SULT2B1: variants seen among roughly 807,000 people sequenced by gnomAD.
SULT2B1 encodes the protein sulfotransferase family 2B member 1.
SULT2B1 carries 16 observed loss-of-function variants against 33.2 expected under a neutral mutation model. The observed-to-expected ratio is 0.48, with a 90% CI of 0.33 to 0.73. The LOEUF is 0.73. SULT2B1 is among the 30% of genes least tolerant of loss of function. SULT2B1 has a pLI of 0.02. For synonymous variants in SULT2B1, 186 were observed against 200.5 expected, an observed-to-expected ratio of 0.93 and a Z score of 0.61; for missense variants, 500 against 506.0, an observed-to-expected ratio of 0.99 and a Z score of 0.11.
chr19:48,599,030 A>G lies in SULT2B1; in HGVS notation c.827-105A>G. ...GGACGGTGTTTCTGGCAAAGGGAAC[A>G]CCTCGCCAAAGGCCGGGAAGGGGAA... is the stretch of plus-strand genomic sequence containing the variant. On this transcript the variant is annotated intron_variant, in intron 6 of 6. Coordinates refer to ENST00000201586, the MANE Select transcript of SULT2B1 (RefSeq NM_177973.2). The surrounding 1 kb of genome is among the most constrained non-coding windows in gnomAD (Gnocchi z 4.1). The G allele has an allele frequency of 6.7e-7, 1 of 1,483,584 alleles. No homozygotes were observed. Among genetic ancestry groups the G allele is most frequent in the African/African-American group, 1.4e-5 (1 of 71,350 alleles). The allele number at this position is 1,483,584 out of a possible 1,614,324, so 91.9% of individuals were successfully genotyped here. A position where few individuals can be genotyped will look rare whatever the true frequency, so the allele number is the denominator to read the frequency against.
At chr19:48,564,926 G>A (rs1973226220) in intron 1 of SULT2B1, among the ~76,000 whole-genome samples, 1 of 151,916 alleles carries the variant, frequency 6.6e-6, no homozygotes, top group Admixed American at 6.6e-5. Context: ...GAGTAGCTGG[G>A]ACTACAGGTG....
intron 1 of SULT2B1, among the ~76,000 whole-genome samples, chr19:48,566,515 T>C (rs985947509): frequency 4.6e-5 from 7 of 152,122 alleles, no homozygotes; most frequent in Non-Finnish European, 1.0e-4. Flanking sequence ...CTGGCCAAAA[T>C]GGCAAAACCC....
At chr19:48,571,248 G>A (rs1973323621) in intron 1 of SULT2B1, among the ~76,000 whole-genome samples, 1 of 151,044 alleles carries the variant, frequency 6.6e-6, no homozygotes, top group Admixed American at 6.6e-5. Flanking sequence ...CCAGGCTGGA[G>A]TGCAGTGATG....
chr19:48,578,705 C>T (rs183076456), intron 2 of SULT2B1, among the ~76,000 whole-genome samples: 261 of 151,786 alleles, frequency 1.7e-3, no homozygotes, highest in Admixed American at 4.2e-3. Context: ...GGTGAAACCC[C>T]GTGTCTACTA....
chr19:48,552,238 C>T lies in SULT2B1; in HGVS notation c.-15C>T. On this transcript the variant is annotated 5_prime_UTR_variant, in exon 1 of 7. Transcript: ENST00000201586. This position sits in a 1 kb window ranked among gnomAD's most constrained non-coding sequence, Gnocchi z 4.8. The stretch of plus-strand genomic sequence containing the variant: ...TCCCTGCTCGTCCTCCCCTCCCCAC[C>T]CTCACCCACCTGCCATGGACGGGCC... The T allele has an allele frequency of 2.5e-6, 4 of 1,613,100 alleles. No homozygotes were observed. The South Asian group carries it at 3.3e-5, about 13-fold the overall frequency.
intron 1 of SULT2B1, among the ~76,000 whole-genome samples, chr19:48,571,186 A>T (rs924846514): frequency 1.4e-5 from 2 of 144,586 alleles, no homozygotes; most frequent in African/African-American, 5.2e-5. Context: ...ATGCCTGGCT[A>T]ATTTATTTAT....
chr19:48,569,572 C>T (rs1973293958), intron 1 of SULT2B1, among the ~76,000 whole-genome samples: 2 of 151,612 alleles, frequency 1.3e-5, no homozygotes, highest in East Asian at 2.0e-4. Flanking sequence ...CTGTGTAGCC[C>T]AGGCTGGTCT....
At chr19:48,553,455 C>T (rs901988015) in intron 1 of SULT2B1, among the ~76,000 whole-genome samples, 3 of 152,104 alleles carry the variant, frequency 2.0e-5, no homozygotes, top group Non-Finnish European at 4.4e-5. Context: ...TTACAGGAGC[C>T]CGCCACCATG....
intron 4 of SULT2B1, 54 bp downstream of exon 4, chr19:48,591,789 CTGA>C: frequency 6.6e-7 from 1 of 1,509,768 alleles, no homozygotes; most frequent in Admixed American, 2.2e-5. Context: ...CCAGAGGACC[CTGA>C]TGGGCAGAGG....
At chr19:48,575,223 C>T (rs1360394389) in intron 1 of SULT2B1, among the ~76,000 whole-genome samples, 4 of 148,940 alleles carry the variant, frequency 2.7e-5, no homozygotes, top group African/African-American at 9.9e-5. Flanking sequence ...ATTATCCTGC[C>T]TCAGCCTCCC....
chr19:48,563,102 A>T (rs1973201573), intron 1 of SULT2B1, among the ~76,000 whole-genome samples: 1 of 151,918 alleles, frequency 6.6e-6, no homozygotes, highest in Admixed American at 6.6e-5. Flanking sequence ...TTTTGTGGAG[A>T]CAGGGTCTTG....
rs773144498 is a variant in SULT2B1, at chr19:48,591,671, C to T, written c.486C>T (p.Ile162=). 57 of 1,613,444 alleles carry T rather than the reference C, an allele frequency of 3.5e-5. No individual in the cohort carries two copies. The highest frequency in any genetic ancestry group is 2.5e-4 in the East Asian group (11 of 44,874). The change falls in exon 4 of 7, where the codon ATC becomes ATT. Residue 162 remains isoleucine (I), a synonymous_variant. Transcript: ENST00000201586. ...TCTCCCTCTATCATTACTCCAAGAT[C>T]GCCGGGCAGTTAAAGGACCCGGGCA... ...VVVSLYHYSK[I]AGQLKDPGTP...
At chr19:48,565,787 G>T (rs958983244) in intron 1 of SULT2B1, among the ~76,000 whole-genome samples, 1 of 151,976 alleles carries the variant, frequency 6.6e-6, no homozygotes, top group African/African-American at 2.4e-5. Flanking sequence ...TTTTGAGACA[G>T]GATCTTGCCC....
At chr19:48,593,077 G>A (rs1973665586) in intron 5 of SULT2B1, among the ~76,000 whole-genome samples, 1 of 152,178 alleles carries the variant, frequency 6.6e-6, no homozygotes, top group Admixed American at 6.5e-5. Context: ...GAATGGTCAG[G>A]GGCGAGATTT....
Position 48,576,354 on chromosome 19 carries a change from C to CTTTT in SULT2B1, c.214+273_214+274insTTTT, listed in dbSNP as rs879507532. On this transcript the variant is annotated intron_variant, in intron 2 of 6. Coordinates refer to ENST00000201586, the MANE Select transcript of SULT2B1 (RefSeq NM_177973.2). ...TCCTCCCTTTCCCCTTTACCCTCTACTTCTCTTTTTTTTTTTTTTTTTTGT... is the reference window on the plus strand; with the variant it reads ...TCCTCCCTTTCCCCTTTACCCTCTACTTTTTTCTCTTTTTTTTTTTTTTTTTTGT... Among the ~76,000 whole-genome samples the CTTTT allele has an allele frequency of 8.5e-3, 681 of 79,758 alleles. 80 individuals carry two copies. Among genetic ancestry groups the CTTTT allele is most frequent in the African/African-American group, 0.029 (526 of 18,152 alleles). 52.3% of individuals were successfully genotyped at this position (79,758 alleles called of 152,430 possible). A position where few individuals can be genotyped will look rare whatever the true frequency, so the allele number is the denominator to read the frequency against.
At chr19:48,553,247 G>A (rs970159926) in intron 1 of SULT2B1, among the ~76,000 whole-genome samples, 20 of 152,214 alleles carry the variant, frequency 1.3e-4, no homozygotes, top group African/African-American at 4.1e-4. Flanking sequence ...AGCCACCGTG[G>A]GCTGTGAGGA....
intron 1 of SULT2B1, among the ~76,000 whole-genome samples, chr19:48,570,886 C>G (rs1323554482): frequency 6.6e-6 from 1 of 151,596 alleles, no homozygotes; most frequent in African/African-American, 2.4e-5. Context: ...CCACGCCCGG[C>G]TAATTTTTTG....
chr19:48,552,298 T>C lies in SULT2B1; in HGVS notation c.46T>C (p.Tyr16His), dbSNP rs1454062493. The C allele has an allele frequency of 6.2e-7, 1 of 1,613,772 alleles. No homozygotes were observed. The highest frequency in any genetic ancestry group is 8.5e-7 in the Non-Finnish European group (1 of 1,179,902). ...EPQIPGLWDT[Y>H]EDDISEISQK... ...CCAGATCCCGGGCTTGTGGGACACCTATGAAGATGACATCTCGGAAATCAG... is the reference window on the plus strand; with the variant it reads ...CCAGATCCCGGGCTTGTGGGACACCCATGAAGATGACATCTCGGAAATCAG... The change falls in exon 1 of 7, where the codon TAT (tyrosine) becomes CAT (histidine). Residue 16 changes from tyrosine to histidine, a missense_variant. Coordinates refer to ENST00000201586, the MANE Select transcript of SULT2B1 (RefSeq NM_177973.2). This position sits in a 1 kb window ranked among gnomAD's most constrained non-coding sequence, Gnocchi z 4.8.
intron 1 of SULT2B1, among the ~76,000 whole-genome samples, chr19:48,572,020 T>A (rs2544796): frequency 6.6e-6 from 1 of 151,924 alleles, no homozygotes; most frequent in Non-Finnish European, 1.5e-5. Context: ...CTTTCACTAC[T>A]CACTTCCTGA....
Sources: gnomAD v4.1 joint callset for allele counts (sites outside exome capture counted in the v4.1 genomes callset) on GRCh38, gnomAD v4.1.1 for gene constraint, Gnocchi (gnomAD v3.1) non-coding constraint, MANE v1.5 for transcripts, NCBI Gene and HGNC (gene_info 2026-07-23, HGNC 2026-07-21) for gene names.